MEGF11: variants seen among roughly 807,000 people sequenced by gnomAD.
The protein encoded by MEGF11 is multiple EGF like domains 11.
In MEGF11, 126 loss-of-function variants were observed where a neutral mutation model predicts 146.6. The ratio of observed to expected loss-of-function variants is 0.86; its 90% CI spans 0.74 to 1.00. MEGF11 has a LOEUF of 1.00. Among genes scored for constraint, MEGF11 ranks in the 50% least tolerant of loss-of-function variants. MEGF11 has a pLI of 0.00. For synonymous variants in MEGF11, 532 were observed against 583.4 expected (o/e 0.91, Z 1.27); for missense variants, 1,509 against 1,521.2 (o/e 0.99, Z 0.13).
chr15:66,081,728 C>G (rs946078209), intron 5 of MEGF11, among the ~76,000 whole-genome samples: 1 of 152,192 alleles, frequency 6.6e-6, no homozygotes, highest in Non-Finnish European at 1.5e-5. Flanking sequence ...AGGAAAGGAC[C>G]AGGGTCCCCC....
chr15:66,238,139 C>T (rs2092134962), intron 1 of MEGF11, among the ~76,000 whole-genome samples: 1 of 152,284 alleles, frequency 6.6e-6, no homozygotes, highest in East Asian at 1.9e-4. Context: ...TGGGCTGCCA[C>T]CCAGCCAGGA....
intron 10 of MEGF11, among the ~76,000 whole-genome samples, chr15:65,941,770 G>A (rs2080000904): frequency 6.6e-6 from 1 of 152,210 alleles, no homozygotes; most frequent in Admixed American, 6.5e-5. Flanking sequence ...TAAAATCTCT[G>A]GAGATGTTTG....
chr15:66,149,719 C>A (rs529046406), intron 1 of MEGF11, among the ~76,000 whole-genome samples: 10 of 152,318 alleles, frequency 6.6e-5, no homozygotes, highest in African/African-American at 1.4e-4. Context: ...AGGGAGGGAG[C>A]CTGGCCCACT....
chr15:65,920,032 T>C (rs1197806381), intron 15 of MEGF11, among the ~76,000 whole-genome samples: 1 of 152,250 alleles, frequency 6.6e-6, no homozygotes, highest in East Asian at 1.9e-4. Context: ...TTATATAGTC[T>C]CACTATTATG....
chr15:66,198,393 G>A (rs1385547128), intron 1 of MEGF11, among the ~76,000 whole-genome samples: 1 of 152,208 alleles, frequency 6.6e-6, no homozygotes, highest in Non-Finnish European at 1.5e-5. Context: ...CCCATAGCTG[G>A]TTTGTTTCCT....
intron 1 of MEGF11, among the ~76,000 whole-genome samples, chr15:66,154,735 A>G (rs1008874057): frequency 4.6e-5 from 7 of 152,136 alleles, no homozygotes; most frequent in Non-Finnish European, 1.0e-4. Flanking sequence ...TTTAACAACT[A>G]GGGGGGCAAA....
intron 1 of MEGF11, among the ~76,000 whole-genome samples, chr15:66,140,977 C>T (rs1419510849): frequency 6.6e-6 from 1 of 152,148 alleles, no homozygotes; most frequent in Non-Finnish European, 1.5e-5. Flanking sequence ...GCTGTTCACT[C>T]ATCAGCCACT....
chr15:66,057,418 G>C (rs1339882998), intron 5 of MEGF11, among the ~76,000 whole-genome samples: 1 of 152,094 alleles, frequency 6.6e-6, no homozygotes, highest in Non-Finnish European at 1.5e-5. Flanking sequence ...ATTCGTCACT[G>C]TTTTGCAACT....
intron 1 of MEGF11, among the ~76,000 whole-genome samples, chr15:66,237,610 G>A (rs1313347237): frequency 1.3e-5 from 2 of 152,184 alleles, no homozygotes; most frequent in African/African-American, 2.4e-5. Flanking sequence ...CATCTATAGA[G>A]TGGAATAACA....
intron 15 of MEGF11, among the ~76,000 whole-genome samples, chr15:65,919,442 A>G (rs1238414418): frequency 6.6e-6 from 1 of 152,240 alleles, no homozygotes; most frequent in Non-Finnish European, 1.5e-5. Flanking sequence ...AGAGCATACA[A>G]AAGTTATGTT....
At chr15:65,950,447 G>T (rs1402368326) in intron 10 of MEGF11, among the ~76,000 whole-genome samples, 57 of 152,044 alleles carry the variant, frequency 3.7e-4, no homozygotes. Flanking sequence ...GCATGATGGC[G>T]TGCACCTGTA....
intron 3 of MEGF11, among the ~76,000 whole-genome samples, chr15:66,121,546 A>C (rs1050628510): frequency 1.3e-5 from 2 of 152,208 alleles, no homozygotes; most frequent in African/African-American, 4.8e-5. Context: ...AAGAGAAGGG[A>C]ATGGTCCTGG....
intron 24 of MEGF11, among the ~76,000 whole-genome samples, chr15:65,901,576 T>G (rs564968547): frequency 6.8e-4 from 103 of 150,392 alleles, no homozygotes; most frequent in Non-Finnish European, 1.1e-3. Flanking sequence ...TGTTATCCAG[T>G]GCTCCTGTCC....
chr15:65,998,040 AC>A (rs2082253660), intron 5 of MEGF11, among the ~76,000 whole-genome samples: 2 of 152,072 alleles, frequency 1.3e-5, no homozygotes, highest in African/African-American at 4.8e-5. Context: ...GGTGGGGGGC[AC>A]TGTGAGGGAA....
chr15:66,176,724 A>T (rs965259887), intron 1 of MEGF11, among the ~76,000 whole-genome samples: 7 of 152,184 alleles, frequency 4.6e-5, no homozygotes, highest in Admixed American at 6.5e-5. Flanking sequence ...CTTGCTGCTG[A>T]GCCAGCCCGT....
chr15:65,915,565 T>A lies in MEGF11; in HGVS notation c.2378A>T (p.Gln793Leu), dbSNP rs1480981734. The A allele has an allele frequency of 6.2e-7, 1 of 1,613,988 alleles. No individual in the cohort carries two copies. The highest frequency in any genetic ancestry group is 8.5e-7 in the Non-Finnish European group (1 of 1,179,890). ...CAPGTFGYGC[Q>L]QLCECMNNST... ...GTTGTTCATGCACTCACATAGCTGC[T>A]GACACCCATAGCCAAAGGTTCCTGG... is the stretch of plus-strand genomic sequence containing the variant. The change falls in exon 19 of 26, where the codon CAG (glutamine) becomes CTG (leucine). Residue 793 changes from glutamine (Q) to leucine (L), a missense_variant. By Grantham distance (113) the Gln-to-Leu change is moderately radical. Coordinates refer to ENST00000395614, the MANE Select transcript of MEGF11 (RefSeq NM_001385028.1).
intron 5 of MEGF11, among the ~76,000 whole-genome samples, chr15:65,990,392 A>G (rs553021280): frequency 2.0e-5 from 3 of 152,108 alleles, no homozygotes; most frequent in East Asian, 1.9e-4. Context: ...CTCTACAAAA[A>G]TTATAAAAAT....
intron 5 of MEGF11, among the ~76,000 whole-genome samples, chr15:66,037,148 G>A (rs1180108969): frequency 1.3e-5 from 2 of 152,298 alleles, no homozygotes; most frequent in African/African-American, 4.8e-5. Context: ...CAGTGATGCT[G>A]GGAGGGTGAT....
At position 65,970,596 on chromosome 15, in the gene MEGF11, C is replaced by T. The variant is rs139555084; in HGVS notation, c.856G>A (p.Val286Met). The change falls in exon 8 of 26, where the codon GTG becomes ATG. Residue 286 changes from valine to methionine, a missense_variant. Transcript: ENST00000395614. The part of the protein sequence containing the change: ...PCHHGGQCDH[V>M]TGQCHCTAGY... ...GCTGTACAGTGGCACTGTCCAGTCA[C>T]GTGGTCACACTGCCCTCCATGGTGG... The T allele has an allele frequency of 9.5e-5, 153 of 1,613,900 alleles. No individual in the cohort carries two copies. The highest frequency in any genetic ancestry group is 1.2e-4 in the African/African-American group (9 of 74,962).
Sources: allele counts gnomAD v4.1 joint callset (sites outside exome capture counted in the v4.1 genomes callset), GRCh38; gene constraint gnomAD v4.1.1; transcripts MANE v1.5; gene names NCBI Gene and HGNC (gene_info 2026-07-23, HGNC 2026-07-21).